The following SLC39A3 variants were observed in gnomAD, a reference collection of about 807,000 sequenced individuals.
The protein encoded by SLC39A3 is zinc transporter ZIP3.
In SLC39A3, 3 loss-of-function variants were observed where a neutral mutation model predicts 5.1. The observed-to-expected ratio is 0.59, with a 90% confidence interval of 0.27 to 1.54. The LOEUF (loss-of-function observed/expected upper bound fraction) is 1.54, where lower values mean the gene tolerates loss of function less well. Among genes scored for constraint, SLC39A3 ranks in the 40% most tolerant of loss-of-function variants. The pLI is 0.12. For missense variants in SLC39A3, 412 were observed against 436.4 expected (o/e 0.94, Z 0.50); for synonymous variants, 250 against 218.8 (o/e 1.14, Z -1.26).
At chr19:2,736,962 G>A (rs754404413) in intron 2 of SLC39A3, 86 bp downstream of exon 2, 1 of 1,586,376 alleles carries the variant, frequency 6.3e-7, no homozygotes, top group Non-Finnish European at 8.6e-7. Context: ...GGCCTTCACT[G>A]AACTTGGCAT....
rs755436470 is a variant in SLC39A3, at chr19:2,733,362, T to C, written c.334A>G (p.Lys112Glu). 5.0e-6 allele frequency: 8 copies of C among 1,613,182 alleles called. No individual in the cohort carries two copies. The South Asian group carries it at 8.8e-5, about 18-fold the overall frequency. ...EQLILTFRKEKPSFIDLETFN... is the reference protein window; with the variant it reads ...EQLILTFRKEEPSFIDLETFN... ...GTCTCCAGGTCGATGAAGGACGGCTTCTCCTTGCGGAAGGTCAGGATCAGC... is the reference window on the plus strand; with the variant it reads ...GTCTCCAGGTCGATGAAGGACGGCTCCTCCTTGCGGAAGGTCAGGATCAGC... The change falls in exon 3 of 3, where the codon AAG becomes GAG. Residue 112 changes from lysine (K) to glutamate (E), a missense_variant. Transcript: ENST00000269740. The surrounding 1 kb of genome is among the most constrained non-coding windows in gnomAD (Gnocchi z 6.1).
chr19:2,736,704 G>A (rs981537340), intron 2 of SLC39A3: 58 of 1,387,748 alleles, frequency 4.2e-5, no homozygotes, highest in Middle Eastern at 2.6e-4. Context: ...AATTTGTTAC[G>A]CAACAGTAGC....
In SLC39A3 at chr19:2,735,944, T is replaced by C. The variant is rs1264790593; in HGVS notation, c.210+1104A>G. ...TTGGGGGATAAGCTTAGGGCTTCCA[T>C]GCTTTCGTTGGGAGGAAGAACAGGG... On this transcript the variant is annotated intron_variant, in intron 2 of 2. Transcript: ENST00000269740. This position sits in a 1 kb window ranked among gnomAD's most constrained non-coding sequence, Gnocchi z 5.7. The C allele has an allele frequency of 1.0e-6, 1 of 985,294 alleles. No homozygotes were observed. Among genetic ancestry groups the C allele is most frequent in the Non-Finnish European group, 1.2e-6 (1 of 829,966 alleles). The allele number at this position is 985,294 out of a possible 1,614,324, so 61.0% of individuals were successfully genotyped here. A position where few individuals can be genotyped will look rare whatever the true frequency, so the allele number is the denominator to read the frequency against.
intron 1 of SLC39A3, among the ~76,000 whole-genome samples, chr19:2,739,681 C>G: frequency 6.6e-6 from 1 of 152,198 alleles, no homozygotes; most frequent in South Asian, 2.1e-4. Context: ...CAATAAAGAC[C>G]TGTCCGGCAT....
In SLC39A3 at chr19:2,732,783, C is replaced by T. The variant is rs200442678; in HGVS notation, c.913G>A (p.Val305Ile). 286 of 1,598,544 alleles carry T rather than the reference C, an allele frequency of 1.8e-4. No individual in the cohort carries two copies. The highest frequency in any genetic ancestry group is 6.6e-4 in the Middle Eastern group (4 of 6,016). The stretch of plus-strand genomic sequence containing the variant: ...TTGAGGAAGACCATCCCGGCCAGGA[C>T]GGTGTAGCCCAGCACCAGGAAGAGG... ...KVLFLVLGYT[V>I]LAGMVFLKW is the part of the protein sequence containing the mutation. The change falls in exon 3 of 3, where the codon GTC becomes ATC. Residue 305 changes from valine (V) to isoleucine (I), a missense_variant. Physicochemically the swap from Val to Ile is conservative, Grantham distance 29. Transcript: ENST00000269740.
In SLC39A3 at chr19:2,734,541, TTTA is replaced by T. The variant is rs1333190606; in HGVS notation, c.211-1059_211-1057del. On this transcript the variant is annotated intron_variant, in intron 2 of 2. Coordinates refer to ENST00000269740, the MANE Select transcript of SLC39A3 (RefSeq NM_144564.5). The surrounding 1 kb of genome is among the most constrained non-coding windows in gnomAD (Gnocchi z 4.6). Reference sequence around the variant, plus strand: ...CACCTGGCAATGTCTGGAAACATTTTTTATTTTCACAACTCGGGTAGGGGGAAG... The same window carrying T: ...CACCTGGCAATGTCTGGAAACATTTTTTTTCACAACTCGGGTAGGGGGAAG... 1.2e-5 allele frequency: 2 copies of T among 171,316 alleles called. No homozygotes were observed. The highest frequency in any genetic ancestry group is 1.3e-4 in the Admixed American group (2 of 15,304). 10.6% of individuals were successfully genotyped at this position (171,316 alleles called of 1,614,324 possible). A position where few individuals can be genotyped will look rare whatever the true frequency, so the allele number is the denominator to read the frequency against.
Position 2,735,118 on chromosome 19 carries a change from GCAGT to G in SLC39A3, c.211-1637_211-1634del. The G allele has an allele frequency of 2.0e-6, 2 of 985,366 alleles. No individual in the cohort carries two copies. Among genetic ancestry groups the G allele is most frequent in the Non-Finnish European group, 2.4e-6 (2 of 829,934 alleles). The allele number at this position is 985,366 out of a possible 1,614,324, so 61.0% of individuals were successfully genotyped here. A position where few individuals can be genotyped will look rare whatever the true frequency, so the allele number is the denominator to read the frequency against. On this transcript the variant is annotated intron_variant, in intron 2 of 2. Transcript: ENST00000269740. The surrounding 1 kb of genome is among the most constrained non-coding windows in gnomAD (Gnocchi z 5.7). The stretch of plus-strand genomic sequence containing the variant: ...AAGCTCCCCGCAGTCGCCCAGGCCT[GCAGT>G]CAGAGGGTGACGGGGGTGACACCAT...
chr19:2,736,704 G>C, intron 2 of SLC39A3: 1 of 1,387,866 alleles, frequency 7.2e-7, no homozygotes, highest in Non-Finnish European at 9.3e-7. Context: ...AATTTGTTAC[G>C]CAACAGTAGC....
intron 1 of SLC39A3, 43 bp from the exon 2 acceptor site, chr19:2,737,422 CTTTTT>C: frequency 9.4e-7 from 1 of 1,066,548 alleles, no homozygotes; most frequent in Non-Finnish European, 1.3e-6. Flanking sequence ...TTTCTTTTTT[CTTTTT>C]TTTTTTTTAG....
intron 1 of SLC39A3, 31 bp from the exon 2 acceptor site, chr19:2,737,410 T>G (rs1914405143): frequency 7.3e-6 from 10 of 1,378,302 alleles, no homozygotes; most frequent in Non-Finnish European, 8.7e-6. Context: ...GCATTAGCTT[T>G]CTTTCTTTTT....
chr19:2,733,442 G>A lies in SLC39A3; in HGVS notation c.254C>T (p.Pro85Leu), dbSNP rs781612783. The change falls in exon 3 of 3, where the codon CCG becomes CTG. Residue 85 changes from proline (P) to leucine (L), a missense_variant. Coordinates refer to ENST00000269740, the MANE Select transcript of SLC39A3 (RefSeq NM_144564.5). The surrounding 1 kb of genome is among the most constrained non-coding windows in gnomAD (Gnocchi z 6.1). ...CAGCAGGAGGATGGTTTCGGCCAGC[G>A]GGTAGTCGGTGCTGATGTGGCCGAG... ...LSLGHISTDY[P>L]LAETILLLGF... is the part of the protein sequence containing the mutation. 17 of 1,612,732 alleles carry A rather than the reference G, an allele frequency of 1.1e-5. No individual in the cohort carries two copies. Among genetic ancestry groups the A allele is most frequent in the East Asian group, 2.2e-5 (1 of 44,886 alleles).
chr19:2,733,503 C>T lies in SLC39A3; in HGVS notation c.211-18G>A, dbSNP rs544411505. On this transcript the variant is annotated intron_variant, in intron 2 of 2. Coordinates refer to ENST00000269740, the MANE Select transcript of SLC39A3 (RefSeq NM_144564.5). This position sits in a 1 kb window ranked among gnomAD's most constrained non-coding sequence, Gnocchi z 6.1. ...TTCTGGAGCTGCAGCCGGGGACACC[C>T]GAGAGAGAGAGAGAGACCCACGCTC... is the stretch of plus-strand genomic sequence containing the variant. The T allele has an allele frequency of 1.3e-6, 2 of 1,573,334 alleles. No individual in the cohort carries two copies. The highest frequency in any genetic ancestry group is 1.7e-6 in the Non-Finnish European group (2 of 1,155,214).
In SLC39A3 at chr19:2,734,113, C is replaced by T. The variant is rs915235361; in HGVS notation, c.211-628G>A. Among the ~76,000 whole-genome samples, 3 of 152,184 alleles carry T rather than the reference C, an allele frequency of 2.0e-5. No homozygotes were observed. Among genetic ancestry groups the T allele is most frequent in the African/African-American group, 4.8e-5 (2 of 41,458 alleles). ...CGTGGGTCAGACGGGAGCCGCAGGGCGTCTGCAAGAGGTACACACTCCTAT... is the reference window on the plus strand; with the variant it reads ...CGTGGGTCAGACGGGAGCCGCAGGGTGTCTGCAAGAGGTACACACTCCTAT... On this transcript the variant is annotated intron_variant, in intron 2 of 2. Transcript: ENST00000269740. The surrounding 1 kb of genome is among the most constrained non-coding windows in gnomAD (Gnocchi z 4.6).
Position 2,733,049 on chromosome 19 carries a change from C to T in SLC39A3, c.647G>A (p.Gly216Asp). 2 of 1,609,890 alleles carry T rather than the reference C, an allele frequency of 1.2e-6. No homozygotes were observed. Among genetic ancestry groups the T allele is most frequent in the Non-Finnish European group, 8.5e-7 (1 of 1,178,552 alleles). The change falls in exon 3 of 3, where the codon GGC becomes GAC. Residue 216 changes from glycine to aspartate, a missense_variant. Coordinates refer to ENST00000269740, the MANE Select transcript of SLC39A3 (RefSeq NM_144564.5). This position sits in a 1 kb window ranked among gnomAD's most constrained non-coding sequence, Gnocchi z 6.1. ...CATGGCACTCCGGGCCATGCTGATG[C>T]CCAGGGCCACGGCCACCAGTGTCTC... is the stretch of plus-strand genomic sequence containing the variant. ...VHETLVAVAL[G>D]ISMARSAMPL...
chr19:2,738,382 T>A (rs2144701262), intron 1 of SLC39A3, among the ~76,000 whole-genome samples: 1 of 152,174 alleles, frequency 6.6e-6, no homozygotes, highest in Middle Eastern at 3.4e-3. Context: ...GGTCCATGGC[T>A]TCCCCATGCC....
Position 2,735,083 on chromosome 19 carries a change from A to T in SLC39A3, c.211-1598T>A. ...TGAGAAGGCCACTGTGATGAGGGGGAGGGAAGAGCAAGCTCCCCGCAGTCG... is the reference window on the plus strand; with the variant it reads ...TGAGAAGGCCACTGTGATGAGGGGGTGGGAAGAGCAAGCTCCCCGCAGTCG... On this transcript the variant is annotated intron_variant, in intron 2 of 2. Transcript: ENST00000269740. The surrounding 1 kb of genome is among the most constrained non-coding windows in gnomAD (Gnocchi z 5.7). The T allele has an allele frequency of 2.0e-6, 2 of 985,020 alleles. No individual in the cohort carries two copies. Among genetic ancestry groups the T allele is most frequent in the Non-Finnish European group, 2.4e-6 (2 of 829,846 alleles). The allele number at this position is 985,020 out of a possible 1,614,324, so 61.0% of individuals were successfully genotyped here. A position where few individuals can be genotyped will look rare whatever the true frequency, so the allele number is the denominator to read the frequency against.
At chr19:2,736,184 G>T (rs1189448675) in intron 2 of SLC39A3, 2 of 985,452 alleles carry the variant, frequency 2.0e-6, no homozygotes, top group East Asian at 2.3e-4. Context: ...AGGAGTTGGG[G>T]TGGACAGACT....
chr19:2,732,988 T>G lies in SLC39A3; in HGVS notation c.708A>C (p.Val236=), dbSNP rs759073. ...LRDAAKLAVT[V]SAMIPLGIGL... ...CGATGCCCAGGGGGATCATGGCGCT[T>G]ACGGTGACCGCCAGCTTGGCCGCGT... Residue 236 remains valine, a synonymous_variant, in exon 3 of 3, where the codon GTA becomes GTC. Transcript: ENST00000269740. 6.3e-6 allele frequency: 10 copies of G among 1,599,088 alleles called. No homozygotes were observed. The highest frequency in any genetic ancestry group is 6.8e-6 in the Non-Finnish European group (8 of 1,171,788).
rs1914317532 is a variant in SLC39A3 at position 2,735,054 on chromosome 19, G to A, written c.211-1569C>T. 3 of 985,300 alleles carry A rather than the reference G, an allele frequency of 3.0e-6. No homozygotes were observed. Among genetic ancestry groups the A allele is most frequent in the Admixed American group, 6.1e-5 (1 of 16,266 alleles). The allele number at this position is 985,300 out of a possible 1,614,324, so 61.0% of individuals were successfully genotyped here. ...GGAGAACGGCGGGAAAGGTTTGGGTGCCATGAGAAGGCCACTGTGATGAGG... is the reference window on the plus strand; with the variant it reads ...GGAGAACGGCGGGAAAGGTTTGGGTACCATGAGAAGGCCACTGTGATGAGG... On this transcript the variant is annotated intron_variant, in intron 2 of 2. Coordinates refer to ENST00000269740, the MANE Select transcript of SLC39A3 (RefSeq NM_144564.5). The surrounding 1 kb of genome is among the most constrained non-coding windows in gnomAD (Gnocchi z 5.7).
Sources: allele counts gnomAD v4.1 joint callset (sites outside exome capture counted in the v4.1 genomes callset), GRCh38; gene constraint gnomAD v4.1.1; non-coding constraint Gnocchi (gnomAD v3.1); transcripts MANE v1.5; gene names NCBI Gene and HGNC (gene_info 2026-07-23, HGNC 2026-07-21).